KLF12: variants seen among roughly 807,000 people sequenced by gnomAD.
KLF12 encodes the protein KLF transcription factor 12.
A neutral mutation model predicts 37.8 loss-of-function variants in KLF12; 9 were observed. The observed-to-expected ratio is 0.24, with a 90% CI of 0.14 to 0.42. The LOEUF is 0.42. KLF12 is among the 10% of genes least tolerant of loss of function. The probability of loss-of-function intolerance (pLI) is 1.00; values close to 1 mark genes in which losing one functional copy is unlikely to be tolerated. For missense variants in KLF12, 411 were observed against 516.0 expected (o/e 0.80, Z 1.97); for synonymous variants, 208 against 202.1 (o/e 1.03, Z -0.25).
chr13:73,775,099 G>C (rs1880528207), intron 5 of KLF12, among the ~76,000 whole-genome samples: 1 of 151,914 alleles, frequency 6.6e-6, no homozygotes, highest in Non-Finnish European at 1.5e-5. Context: ...TGTATTTTTA[G>C]TAGAGACAGG....
chr13:74,181,012 T>C, the KLF12 span, among the ~76,000 whole-genome samples: 1 of 152,096 alleles, frequency 6.6e-6, no homozygotes, highest in Non-Finnish European at 1.5e-5. Flanking sequence ...TTTCTTTTGT[T>C]TTTTTTGACG....
chr13:73,895,420 CA>C (rs1255370190), intron 3 of KLF12, among the ~76,000 whole-genome samples: 4 of 152,188 alleles, frequency 2.6e-5, no homozygotes, highest in Non-Finnish European at 4.4e-5. Flanking sequence ...CTGTTCACAT[CA>C]CATAATTCTC....
At chr13:74,001,211 A>T (rs9600216) in intron 1 of KLF12, among the ~76,000 whole-genome samples, 12,024 of 152,226 alleles carry the variant, frequency 0.079, 744 homozygotes, top group African/African-American at 0.17. Context: ...CATGCTGAAG[A>T]TGTTAAAAAT....
the KLF12 span, among the ~76,000 whole-genome samples, chr13:74,161,568 G>T: frequency 6.6e-6 from 1 of 152,104 alleles, no homozygotes; most frequent in Non-Finnish European, 1.5e-5. Flanking sequence ...CCTCCAGAAA[G>T]AATAACCCTG....
chr13:74,195,353 C>T, the KLF12 span, among the ~76,000 whole-genome samples: 766 of 152,174 alleles, frequency 5.0e-3, 5 homozygotes, highest in Middle Eastern at 0.034. Flanking sequence ...TCTTGCTGGG[C>T]GTGCGAACTG....
chr13:73,784,931 C>T (rs1693141275), intron 5 of KLF12, among the ~76,000 whole-genome samples: 1 of 151,858 alleles, frequency 6.6e-6, no homozygotes, highest in South Asian at 2.1e-4. Context: ...CCACTGCGCC[C>T]GGCCTCATCT....
At chr13:74,266,912 C>A in the KLF12 span, among the ~76,000 whole-genome samples, 1 of 152,104 alleles carries the variant, frequency 6.6e-6, no homozygotes, top group Non-Finnish European at 1.5e-5. Context: ...TTAGAAGTAA[C>A]AAGAATATTT....
chr13:74,028,920 G>T (rs1470487312), intron 1 of KLF12, among the ~76,000 whole-genome samples: 1 of 151,860 alleles, frequency 6.6e-6, no homozygotes, highest in Non-Finnish European at 1.5e-5. Flanking sequence ...TATTAAAAAA[G>T]GTTTGCAGTT....
At chr13:74,304,700 A>G in the KLF12 span, among the ~76,000 whole-genome samples, 1 of 152,066 alleles carries the variant, frequency 6.6e-6, no homozygotes, top group South Asian at 2.1e-4. Context: ...GAGACGGCCC[A>G]GTTCATTGGA....
At chr13:74,120,783 G>C (rs1257079926) in intron 1 of KLF12, among the ~76,000 whole-genome samples, 1 of 151,986 alleles carries the variant, frequency 6.6e-6, no homozygotes, top group Non-Finnish European at 1.5e-5. Context: ...CTAAGATTCT[G>C]CTATCATACA....
chr13:74,234,295 A>G, the KLF12 span, among the ~76,000 whole-genome samples: 2 of 152,384 alleles, frequency 1.3e-5, no homozygotes, highest in East Asian at 1.9e-4. Flanking sequence ...GTGAAGCAGC[A>G]TAACACAGTG....
chr13:74,124,389 G>A (rs1877816831), intron 1 of KLF12, among the ~76,000 whole-genome samples: 1 of 152,022 alleles, frequency 6.6e-6, no homozygotes, highest in Non-Finnish European at 1.5e-5. Context: ...TCCTTCCATT[G>A]TTCTCACGTT....
At chr13:73,705,994 A>C (rs1874908602) in intron 7 of KLF12, among the ~76,000 whole-genome samples, 2 of 152,174 alleles carry the variant, frequency 1.3e-5, no homozygotes, top group East Asian at 3.9e-4. Context: ...TCTATTAAAA[A>C]TACAAAAATT....
At chr13:73,721,678 G>T (rs1313488394) in intron 6 of KLF12, among the ~76,000 whole-genome samples, 1 of 151,766 alleles carries the variant, frequency 6.6e-6, no homozygotes, top group Non-Finnish European at 1.5e-5. Flanking sequence ...TCAGCCTCCT[G>T]GGAACTAGGA....
the KLF12 span, among the ~76,000 whole-genome samples, chr13:74,254,869 C>A: frequency 6.6e-6 from 1 of 152,108 alleles, no homozygotes; most frequent in African/African-American, 2.4e-5. Context: ...AATATGCAGG[C>A]TTTACCTCAG....
rs1311794711 is a variant in KLF12 at position 74,084,047 on chromosome 13, TAA to T, written c.-32+49690_-32+49691del. ...AATCATAAAGTGTAACAGAATAATTTAAATAATAAAATCATCTATTTTAATGT... is the reference window on the plus strand; with the variant it reads ...AATCATAAAGTGTAACAGAATAATTTATAATAAAATCATCTATTTTAATGT... On this transcript the variant is annotated intron_variant, in intron 1 of 7. Transcript: ENST00000377669. 3.9e-5 allele frequency among the ~76,000 whole-genome samples: 6 copies of T among 152,220 alleles called. No individual in the cohort carries two copies. In the East Asian group the frequency reaches 1.2e-3, roughly 29 times the overall value.
intron 7 of KLF12, among the ~76,000 whole-genome samples, chr13:73,708,503 T>A (rs1875119607): frequency 6.6e-6 from 1 of 152,196 alleles, no homozygotes; most frequent in South Asian, 2.1e-4. Flanking sequence ...TAATGTCATG[T>A]CATACATACT....
chr13:74,303,074 C>T, the KLF12 span, among the ~76,000 whole-genome samples: 1 of 152,156 alleles, frequency 6.6e-6, no homozygotes, highest in Admixed American at 6.6e-5. Flanking sequence ...GGACAAGAGG[C>T]ATAAACTGGG....
intron 1 of KLF12, among the ~76,000 whole-genome samples, chr13:74,042,303 CAA>C (rs547433221): frequency 1.1e-3 from 82 of 74,486 alleles, no homozygotes; most frequent in African/African-American, 2.6e-3. Flanking sequence ...GACTCCATCT[CAA>C]AAAAAAAAAA....
Sources: allele counts gnomAD v4.1 joint callset (sites outside exome capture counted in the v4.1 genomes callset), GRCh38; gene constraint gnomAD v4.1.1; transcripts MANE v1.5; gene names NCBI Gene and HGNC (gene_info 2026-07-23, HGNC 2026-07-21).